The following GRIK5 variants were observed in gnomAD, a reference collection of about 807,000 sequenced individuals.
The protein encoded by GRIK5 is glutamate ionotropic receptor kainate type subunit 5.
In GRIK5, 43 loss-of-function variants were observed where a neutral mutation model predicts 97.4. The ratio of observed to expected loss-of-function variants is 0.44; its 90% CI spans 0.35 to 0.57. GRIK5 has a LOEUF of 0.57. GRIK5 is among the 20% of genes least tolerant of loss of function. The pLI, the probability that GRIK5 is intolerant of heterozygous loss-of-function variation, is 0.01. For missense variants in GRIK5, 1,015 were observed against 1,382.0 expected (o/e 0.73, Z 4.21); for synonymous variants, 580 against 583.5 (o/e 0.99, Z 0.09).
chr19:42,032,627 T>C (rs2075853381), intron 12 of GRIK5, among the ~76,000 whole-genome samples: 1 of 152,064 alleles, frequency 6.6e-6, no homozygotes, highest in Non-Finnish European at 1.5e-5. Context: ...AATCCTTATA[T>C]CCTCACTTGA....
At chr19:42,038,647 C>G (rs2075938783) in intron 12 of GRIK5, among the ~76,000 whole-genome samples, 1 of 152,240 alleles carries the variant, frequency 6.6e-6, no homozygotes. Context: ...AGGGCACGGG[C>G]CTTAAGTCAG....
At position 42,003,294 on chromosome 19, in the gene GRIK5, TC is replaced by T; in HGVS notation, c.2514+37del. On this transcript the variant is annotated intron_variant, in intron 19 of 19. Transcript: ENST00000593562. The surrounding 1 kb of genome is among the most constrained non-coding windows in gnomAD (Gnocchi z 4.2). The stretch of plus-strand genomic sequence containing the variant: ...CTTCACGCACCTCAGCCCCTGGGGG[TC>T]CCTGTTCCTGCCCACCCCCACCCCC... The T allele has an allele frequency of 1.3e-6, 2 of 1,589,856 alleles. No individual in the cohort carries two copies. Among genetic ancestry groups the T allele is most frequent in the South Asian group, 1.1e-5 (1 of 89,670 alleles).
intron 15 of GRIK5, among the ~76,000 whole-genome samples, chr19:42,012,620 A>G (rs998067538): frequency 1.2e-4 from 18 of 152,160 alleles, no homozygotes; most frequent in African/African-American, 4.3e-4. Flanking sequence ...TCACACCTAT[A>G]ATCCGAGCAC....
chr19:42,017,422 G>T (rs1195674231), intron 15 of GRIK5, among the ~76,000 whole-genome samples: 1 of 152,168 alleles, frequency 6.6e-6, no homozygotes, highest in Non-Finnish European at 1.5e-5. Context: ...TACAAATTAT[G>T]TGTGTAGGAA....
intron 12 of GRIK5, among the ~76,000 whole-genome samples, chr19:42,026,386 T>C (rs1418028251): frequency 2.0e-5 from 3 of 151,920 alleles, no homozygotes; most frequent in Non-Finnish European, 4.4e-5. Context: ...GTCTCCCGAG[T>C]AGCTGGGACT....
intron 12 of GRIK5, among the ~76,000 whole-genome samples, chr19:42,030,783 C>T (rs909885767): frequency 3.9e-5 from 6 of 152,002 alleles, no homozygotes; most frequent in Non-Finnish European, 7.4e-5. Context: ...GTTTTGTATC[C>T]AGACTGGACC....
At position 42,065,232 on chromosome 19, in the gene GRIK5, T is replaced by A; in HGVS notation, c.235A>T (p.Thr79Ser). 2 of 1,610,572 alleles carry A rather than the reference T, an allele frequency of 1.2e-6. No homozygotes were observed. The highest frequency in any genetic ancestry group is 1.7e-6 in the Non-Finnish European group (2 of 1,177,988). The change falls in exon 3 of 20, where the codon ACG (threonine) becomes TCG (serine). Residue 79 changes from threonine (T) to serine (S), a missense_variant. Around this residue, in one of 5 missense-constraint regions of GRIK5, gnomAD observed 198 missense variants for 218.2 expected, o/e 0.91. Coordinates refer to ENST00000593562, the MANE Select transcript of GRIK5 (RefSeq NM_002088.5). The surrounding 1 kb of genome is among the most constrained non-coding windows in gnomAD (Gnocchi z 5.8). ...ELQRDSQYETTDTMCQILPKG... is the reference protein window; with the variant it reads ...ELQRDSQYETSDTMCQILPKG... ...CCATGGCCCCGCTCACTGGTGTCCG[T>A]GGTCTCGTACTGGCTGTCCCGCTGC...
Position 42,005,680 on chromosome 19 carries a change from A to T in GRIK5, c.2263+43T>A, listed in dbSNP as rs782561686. On this transcript the variant is annotated intron_variant, in intron 17 of 19. Transcript: ENST00000593562. ...TGGGCCTGCTCACAGGTGGTTTTGGATGCCCACGGCCCTGCTGTGTTCCAC... is the reference window on the plus strand; with the variant it reads ...TGGGCCTGCTCACAGGTGGTTTTGGTTGCCCACGGCCCTGCTGTGTTCCAC... The T allele has an allele frequency of 1.2e-5, 17 of 1,437,104 alleles. No individual in the cohort carries two copies. The South Asian group carries it at 1.7e-4, about 15-fold the overall frequency. 89.0% of individuals were successfully genotyped at this position (1,437,104 alleles called of 1,614,324 possible).
Position 42,062,732 on chromosome 19 carries a change from G to C in GRIK5, c.342+26C>G. ...CTCCCAGGGACCCGCTCCCCACAAA[G>C]CGCCGGCCCACACTCCCCATCTCAC... is the stretch of plus-strand genomic sequence containing the variant. On this transcript the variant is annotated intron_variant, in intron 4 of 19. Coordinates refer to ENST00000593562, the MANE Select transcript of GRIK5 (RefSeq NM_002088.5). The surrounding 1 kb of genome is among the most constrained non-coding windows in gnomAD (Gnocchi z 5.3). 6.2e-7 allele frequency: 1 copy of C among 1,612,144 alleles called. No individual in the cohort carries two copies. The highest frequency in any genetic ancestry group is 1.7e-5 in the Admixed American group (1 of 60,006).
At chr19:42,014,099 A>G (rs2075597982) in intron 15 of GRIK5, among the ~76,000 whole-genome samples, 1 of 152,030 alleles carries the variant, frequency 6.6e-6, no homozygotes, top group Non-Finnish European at 1.5e-5. Context: ...TAAAATTTAA[A>G]AGAAAAATTA....
chr19:42,059,678 T>G, intron 5 of GRIK5, 151 bp from the exon 6 acceptor site: 1 of 628,200 alleles, frequency 1.6e-6, no homozygotes, highest in Non-Finnish European at 2.7e-6. Context: ...GTAATGGGCT[T>G]GGGGACCCAA....
chr19:42,008,830 T>C (rs1482606972), intron 15 of GRIK5, among the ~76,000 whole-genome samples: 1 of 151,980 alleles, frequency 6.6e-6, no homozygotes, highest in Admixed American at 6.6e-5. Flanking sequence ...ACAGAAGATA[T>C]AAAAAGAAGT....
chr19:41,999,057 G>A lies in GRIK5; in HGVS notation c.2757C>T (p.Ala919=). 7 of 1,248,822 alleles carry A rather than the reference G, an allele frequency of 5.6e-6. No homozygotes were observed. The highest frequency in any genetic ancestry group is 7.0e-6 in the Non-Finnish European group (7 of 999,276). The allele number at this position is 1,248,822 out of a possible 1,614,324, so 77.4% of individuals were successfully genotyped here. ...TGCAGGGGGTGGGGGCGGCGGGTCG[G>A]GCTCCGCTGGGGGGCCCCGGGTCGT... The part of the protein sequence containing the change: ...LLDDPGPPSG[A]RPAAPTPCTH... The change falls in exon 20 of 20, where the codon GCC becomes GCT. Residue 919 remains alanine, a synonymous_variant. Coordinates refer to ENST00000593562, the MANE Select transcript of GRIK5 (RefSeq NM_002088.5). This position sits in a 1 kb window ranked among gnomAD's most constrained non-coding sequence, Gnocchi z 5.0.
chr19:42,029,905 C>A (rs901217158), intron 12 of GRIK5, among the ~76,000 whole-genome samples: 2 of 152,152 alleles, frequency 1.3e-5, no homozygotes, highest in African/African-American at 4.8e-5. Flanking sequence ...AACCAAACAG[C>A]ACCCCCTCCT....
At chr19:42,031,560 A>G (rs565929152) in intron 12 of GRIK5, among the ~76,000 whole-genome samples, 2 of 152,332 alleles carry the variant, frequency 1.3e-5, no homozygotes, top group East Asian at 3.9e-4. Flanking sequence ...ACTTGACCAC[A>G]TAAGTCCCAC....
At position 42,003,761 on chromosome 19, in the gene GRIK5, C is replaced by A. The variant is rs2075453790; in HGVS notation, c.2264-78G>T. On this transcript the variant is annotated intron_variant, in intron 17 of 19. Transcript: ENST00000593562. The surrounding 1 kb of genome is among the most constrained non-coding windows in gnomAD (Gnocchi z 4.2). ...CGCCCCAAACCCCAAACTGTGCCCT[C>A]ACCACGGCCTTCCCCCGCCTCTACC... is the stretch of plus-strand genomic sequence containing the variant. 1.4e-6 allele frequency: 2 copies of A among 1,438,214 alleles called. No homozygotes were observed. The highest frequency in any genetic ancestry group is 1.4e-5 in the African/African-American group (1 of 70,136). 89.1% of individuals were successfully genotyped at this position (1,438,214 alleles called of 1,614,324 possible).
intron 15 of GRIK5, among the ~76,000 whole-genome samples, chr19:42,018,557 G>C (rs2075655824): frequency 6.6e-6 from 1 of 150,394 alleles, no homozygotes. Flanking sequence ...TACTTGGGAG[G>C]CTGTGGCAGG....
At position 42,005,902 on chromosome 19, in the gene GRIK5, G is replaced by A; in HGVS notation, c.2084C>T (p.Ser695Leu). The change falls in exon 17 of 20, where the codon TCG (serine) becomes TTG (leucine). Residue 695 changes from serine (S) to leucine (L), a missense_variant. Around this residue, in one of 5 missense-constraint regions of GRIK5, gnomAD observed 229 missense variants for 341.0 expected, o/e 0.67. Coordinates refer to ENST00000593562, the MANE Select transcript of GRIK5 (RefSeq NM_002088.5). ...TYQRMWNYMQ[S>L]KQPSVFVKST... is the part of the protein sequence containing the mutation. ...CTTGACGAACACGCTGGGCTGCTTC[G>A]ACTGCATGTAGTTCCACATGCGCTG... The A allele has an allele frequency of 2.5e-6, 4 of 1,607,596 alleles. No homozygotes were observed. Among genetic ancestry groups the A allele is most frequent in the South Asian group, 1.1e-5 (1 of 90,322 alleles).
At position 42,021,080 on chromosome 19, in the gene GRIK5, G is replaced by C. The variant is rs2075689811; in HGVS notation, c.1871+221C>G. Among the ~76,000 whole-genome samples, 1 of 152,140 alleles carries C rather than the reference G, an allele frequency of 6.6e-6. No individual in the cohort carries two copies. Among genetic ancestry groups the C allele is most frequent in the South Asian group, 2.1e-4 (1 of 4,834 alleles). ...CATCTTTCTCCCCATCTTTCAGGGA[G>C]GTCACTGAGGCAAAGGGAGGGTTGC... On this transcript the variant is annotated intron_variant, in intron 15 of 19. Coordinates refer to ENST00000593562, the MANE Select transcript of GRIK5 (RefSeq NM_002088.5). The surrounding 1 kb of genome is among the most constrained non-coding windows in gnomAD (Gnocchi z 4.2).
Sources: gnomAD v4.1 joint callset for allele counts (sites outside exome capture counted in the v4.1 genomes callset) on GRCh38, gnomAD v4.1.1 for gene constraint, gnomAD v4.1.1 regional missense constraint, Gnocchi (gnomAD v3.1) non-coding constraint, MANE v1.5 for transcripts, NCBI Gene and HGNC (gene_info 2026-07-23, HGNC 2026-07-21) for gene names.